The following SEC13 variants were observed in gnomAD, a reference collection of about 807,000 sequenced individuals.
SEC13 encodes the protein protein SEC13 homolog.
Under a neutral mutation model 49.2 loss-of-function variants are expected in SEC13, and 25 were observed. The ratio of observed to expected loss-of-function variants is 0.51; its 90% CI spans 0.37 to 0.71. The LOEUF (loss-of-function observed/expected upper bound fraction) is 0.71, where lower values mean the gene tolerates loss of function less well. Among genes scored for constraint, SEC13 ranks in the 30% least tolerant of loss-of-function variants. SEC13 has a pLI of 0.00. For synonymous variants in SEC13, 148 were observed against 163.9 expected (o/e 0.90, Z 0.74); for missense variants, 383 against 417.6 (o/e 0.92, Z 0.72).
At chr3:10,318,437 A>G (rs1299969239) in intron 1 of SEC13, among the ~76,000 whole-genome samples, 4 of 151,738 alleles carry the variant, frequency 2.6e-5, no homozygotes, top group Admixed American at 2.0e-4. Flanking sequence ...GCACAGGGGA[A>G]AATACCAGTC....
intron 5 of SEC13, 23 bp downstream of exon 5, chr3:10,311,942 C>T (rs35671): frequency 0.22 from 357,623 of 1,613,888 alleles, 41,844 homozygotes; most frequent in Middle Eastern, 0.27. Flanking sequence ...TCTCACTGCA[C>T]GAAAGGCAGG....
chr3:10,305,772 C>T lies in SEC13; in HGVS notation c.451-80G>A, dbSNP rs1416572276. On this transcript the variant is annotated intron_variant, in intron 5 of 8. Transcript: ENST00000350697. ...AGACCCAAGCCTGCTGTCCCTCTCC[C>T]CTCCGCTTCTCAGGACTGGAGTGTG... is the stretch of plus-strand genomic sequence containing the variant. 5.9e-6 allele frequency: 9 copies of T among 1,518,722 alleles called. No homozygotes were observed. The Admixed American group carries it at 1.5e-4, about 26-fold the overall frequency. The allele number at this position is 1,518,722 out of a possible 1,614,324, so 94.1% of individuals were successfully genotyped here. A position where few individuals can be genotyped will look rare whatever the true frequency, so the allele number is the denominator to read the frequency against.
At chr3:10,314,514 C>T (rs1488588281) in intron 3 of SEC13, among the ~76,000 whole-genome samples, 1 of 152,186 alleles carries the variant, frequency 6.6e-6, no homozygotes, top group Non-Finnish European at 1.5e-5. Flanking sequence ...AAGTTTCTGG[C>T]CTACATCCAT....
chr3:10,305,061 G>A lies in SEC13; in HGVS notation c.680C>T (p.Pro227Leu). The A allele has an allele frequency of 2.5e-6, 4 of 1,614,126 alleles. No individual in the cohort carries two copies. The highest frequency in any genetic ancestry group is 2.5e-6 in the Non-Finnish European group (3 of 1,180,028). Residue 227 changes from proline (P) to leucine (L), a missense_variant, in exon 7 of 9, where the codon CCC becomes CTC. By Grantham distance (98) the Pro-to-Leu change is moderately conservative. Coordinates refer to ENST00000350697, the MANE Select transcript of SEC13 (RefSeq NM_183352.3). ...DVAWAPSIGL[P>L]TSTIASCSQD... ...GGAGCAGCTGGCGATGGTGCTGGTG[G>A]GCAGGCCGATGGAGGGGGCCCAGGC... is the stretch of plus-strand genomic sequence containing the variant.
intron 5 of SEC13, among the ~76,000 whole-genome samples, chr3:10,309,433 G>A (rs1427557915): frequency 6.6e-6 from 1 of 152,034 alleles, no homozygotes; most frequent in Non-Finnish European, 1.5e-5. Flanking sequence ...TTTTGCTCTT[G>A]AAATGTTTCC....
intron 6 of SEC13, 153 bp from the exon 7 acceptor site, chr3:10,305,309 C>G (rs1700803322): frequency 2.5e-6 from 3 of 1,216,946 alleles, no homozygotes; most frequent in Admixed American, 7.1e-5. Flanking sequence ...TTCACCCCAG[C>G]TGTAAAAAAA....
intron 1 of SEC13, among the ~76,000 whole-genome samples, chr3:10,320,253 T>C (rs1436801235): frequency 1.3e-5 from 2 of 152,198 alleles, no homozygotes; most frequent in Non-Finnish European, 2.9e-5. Context: ...GTGTTCTGAT[T>C]TCTAGGTTCC....
intron 5 of SEC13, among the ~76,000 whole-genome samples, chr3:10,308,896 G>T (rs1242091096): frequency 1.1e-4 from 15 of 142,044 alleles, no homozygotes; most frequent in Middle Eastern, 3.8e-3. Flanking sequence ...CTCCCAAAGT[G>T]CTAGGATTAC....
chr3:10,313,765 G>A, intron 3 of SEC13: 1 of 181,772 alleles, frequency 5.5e-6, no homozygotes, highest in Admixed American at 5.4e-5. Context: ...AAGAAAAACA[G>A]CAGAAAGGAC....
intron 2 of SEC13, among the ~76,000 whole-genome samples, chr3:10,315,795 T>G (rs1314779857): frequency 6.6e-6 from 1 of 152,192 alleles, no homozygotes; most frequent in Non-Finnish European, 1.5e-5. Flanking sequence ...TCTTAGGCTC[T>G]GTGGGCTAAA....
At chr3:10,318,001 A>G in intron 2 of SEC13, 49 bp downstream of exon 2, 1 of 1,344,376 alleles carries the variant, frequency 7.4e-7, no homozygotes, top group Non-Finnish European at 1.1e-6. Context: ...CCCTCCCACA[A>G]AAATGCCCAT....
intron 8 of SEC13, 87 bp downstream of exon 8, chr3:10,303,939 C>G (rs1356385780): frequency 1.4e-6 from 2 of 1,464,174 alleles, no homozygotes; most frequent in Non-Finnish European, 1.9e-6. Flanking sequence ...AGCCTGCAGT[C>G]AGATGGGAAT....
chr3:10,303,870 C>A, intron 8 of SEC13, 156 bp downstream of exon 8: 2 of 734,192 alleles, frequency 2.7e-6, no homozygotes, highest in Non-Finnish European at 2.4e-6. Flanking sequence ...GGGGCTGTGA[C>A]ATTAATGATG....
At chr3:10,304,989 A>G in intron 7 of SEC13, 44 bp downstream of exon 7, 2 of 1,612,852 alleles carry the variant, frequency 1.2e-6, no homozygotes, top group Non-Finnish European at 1.7e-6. Flanking sequence ...GATGGGCCTG[A>G]CTCGAGACTA....
At chr3:10,319,409 C>A in intron 1 of SEC13, 2 of 859,004 alleles carry the variant, frequency 2.3e-6, no homozygotes, top group South Asian at 2.2e-5. Context: ...GGGCAGGGTA[C>A]CAAGGGCACA....
intron 3 of SEC13, chr3:10,313,343 T>A: frequency 2.1e-6 from 1 of 481,550 alleles, no homozygotes; most frequent in East Asian, 5.6e-5. Context: ...ACTCAAGAGG[T>A]AGAGTAGCAT....
At chr3:10,314,575 C>T (rs563833273) in intron 3 of SEC13, among the ~76,000 whole-genome samples, 35 of 152,034 alleles carry the variant, frequency 2.3e-4, no homozygotes, top group Non-Finnish European at 4.4e-4. Context: ...ATTTTTTTCC[C>T]CCTGTCCCAA....
At chr3:10,312,247 CA>C (rs1701319628) in intron 4 of SEC13, 149 bp from the exon 5 acceptor site, 4 of 1,341,498 alleles carry the variant, frequency 3.0e-6, no homozygotes, top group Non-Finnish European at 3.0e-6. Flanking sequence ...ACTGAGGACA[CA>C]AAAAAACCCC....
chr3:10,305,363 C>A, intron 6 of SEC13, 196 bp downstream of exon 6: 1 of 1,051,698 alleles, frequency 9.5e-7, no homozygotes. Flanking sequence ...AGAGTCAGCT[C>A]CAACAGTTGG....
Sources: allele counts gnomAD v4.1 joint callset (sites outside exome capture counted in the v4.1 genomes callset), GRCh38; gene constraint gnomAD v4.1.1; transcripts MANE v1.5; gene names NCBI Gene and HGNC (gene_info 2026-07-23, HGNC 2026-07-21).